TENM1: variants seen among roughly 807,000 people sequenced by gnomAD.
TENM1 encodes teneurin-1.
TENM1 carries 35 observed loss-of-function variants against 174.8 expected under a neutral mutation model. That is an observed-to-expected ratio of 0.20 (90% CI 0.15 to 0.27). The LOEUF (loss-of-function observed/expected upper bound fraction) is 0.27, where lower values mean the gene tolerates loss of function less well. TENM1 is among the 10% of genes least tolerant of loss of function. TENM1 has a pLI of 1.00. For missense variants in TENM1, 1,633 were observed against 2,130.1 expected (o/e 0.77, Z 4.59); for synonymous variants, 781 against 798.7 (o/e 0.98, Z 0.37).
intron 3 of TENM1, among the ~76,000 whole-genome samples, chrX:124,775,441 T>A (rs1247587620): frequency 1.8e-5 from 2 of 112,151 alleles, no homozygotes; most frequent in Non-Finnish European, 3.8e-5. Flanking sequence ...CATTACTGGT[T>A]TAAGCAAGTC....
At chrX:125,069,776 A>T in the TENM1 span, among the ~76,000 whole-genome samples, 2 of 111,745 alleles carry the variant, frequency 1.8e-5, no homozygotes, top group East Asian at 2.8e-4. Context: ...ATAAAAATTT[A>T]AAAAATTATA....
At chrX:124,991,190 T>C in the TENM1 span, among the ~76,000 whole-genome samples, 1 of 111,240 alleles carries the variant, frequency 9.0e-6, no homozygotes, top group Non-Finnish European at 1.9e-5. Flanking sequence ...GATTTTACTC[T>C]TACTTAGGAG....
chrX:124,682,597 G>T (rs1487206630), intron 5 of TENM1, among the ~76,000 whole-genome samples: 2 of 111,086 alleles, frequency 1.8e-5, no homozygotes, highest in Non-Finnish European at 3.8e-5. Context: ...CATTTAAAGT[G>T]AAGAAGCCTG....
the TENM1 span, among the ~76,000 whole-genome samples, chrX:125,167,074 G>A: frequency 3.6e-5 from 4 of 111,632 alleles, no homozygotes; most frequent in Admixed American, 1.9e-4. Context: ...CATAAAATCT[G>A]GAGGAAAACT....
At chrX:124,733,711 G>A (rs1471092574) in intron 4 of TENM1, among the ~76,000 whole-genome samples, 3 of 112,208 alleles carry the variant, frequency 2.7e-5, no homozygotes, top group African/African-American at 9.7e-5. Context: ...ATGTTCAAAT[G>A]TACTAAAAAG....
At chrX:124,991,250 G>T in the TENM1 span, among the ~76,000 whole-genome samples, 3 of 111,405 alleles carry the variant, frequency 2.7e-5, no homozygotes, top group African/African-American at 9.8e-5. Flanking sequence ...ACTCCTCTGT[G>T]TCTTCTCTGA....
At chrX:125,125,032 A>G in the TENM1 span, among the ~76,000 whole-genome samples, 1 of 112,585 alleles carries the variant, frequency 8.9e-6, no homozygotes, top group Non-Finnish European at 1.9e-5. Flanking sequence ...CTGTACAATT[A>G]GAAACAAATT....
At chrX:125,126,793 C>T in the TENM1 span, among the ~76,000 whole-genome samples, 4 of 110,235 alleles carry the variant, frequency 3.6e-5, no homozygotes, top group South Asian at 1.5e-3. Context: ...TGTTATAATG[C>T]CATGCCCATG....
At chrX:124,408,043 C>T (rs745917938) in intron 25 of TENM1, among the ~76,000 whole-genome samples, 2 of 111,800 alleles carry the variant, frequency 1.8e-5, no homozygotes, top group African/African-American at 3.3e-5. Context: ...AGCAGAAGAA[C>T]GGAGCATAGG....
intron 1 of TENM1, among the ~76,000 whole-genome samples, chrX:124,945,483 T>C (rs945771907): frequency 6.3e-5 from 7 of 111,091 alleles, no homozygotes; most frequent in African/African-American, 1.6e-4. Context: ...CAAAAGCCTA[T>C]TGCAAAAATC....
chrX:124,705,430 TTTTC>T (rs1290638203), intron 4 of TENM1, among the ~76,000 whole-genome samples, 179 bp from the exon 8 acceptor site: 5 of 112,023 alleles, frequency 4.5e-5, no homozygotes, highest in African/African-American at 6.5e-5. Context: ...GTTCTCTCTC[TTTTC>T]TTTGTCTTTT....
the TENM1 span, among the ~76,000 whole-genome samples, chrX:125,183,026 A>G: frequency 2.1e-4 from 24 of 112,113 alleles, no homozygotes; most frequent in Non-Finnish European, 3.8e-4. Flanking sequence ...CCCCTAAACC[A>G]AATGAATTCT....
intron 4 of TENM1, among the ~76,000 whole-genome samples, chrX:124,723,510 A>G (rs1166861223): frequency 9.1e-6 from 1 of 110,086 alleles, no homozygotes; most frequent in Non-Finnish European, 1.9e-5. Flanking sequence ...GTTTTTCAAT[A>G]CTTACTATTA....
rs985525702 is a variant in TENM1, at chrX:124,573,262, C to T, written c.2078-7702G>A. ...GCAAGTTATTCATATGAAATTTAAACACATGTAGAAAAATACATTTTATGG... is the reference window on the plus strand; with the variant it reads ...GCAAGTTATTCATATGAAATTTAAATACATGTAGAAAAATACATTTTATGG... On this transcript the variant is annotated intron_variant, in intron 11 of 31. Transcript: ENST00000422452. Among the ~76,000 whole-genome samples, 10 of 111,485 alleles carry T rather than the reference C, an allele frequency of 9.0e-5. No homozygotes were observed. In the Admixed American group the frequency reaches 9.5e-4, roughly 11 times the overall value.
intron 1 of TENM1, among the ~76,000 whole-genome samples, chrX:124,903,754 G>A (rs1331263323): frequency 9.0e-6 from 1 of 111,708 alleles, no homozygotes; most frequent in Non-Finnish European, 1.9e-5. Context: ...ATGGTGGGAG[G>A]TCCTGGACTT....
At chrX:124,745,863 A>G (rs1309713070) in intron 3 of TENM1, among the ~76,000 whole-genome samples, 1 of 110,698 alleles carries the variant, frequency 9.0e-6, no homozygotes, top group African/African-American at 3.3e-5. Flanking sequence ...TTTTTTTTTC[A>G]GAATTATGAT....
chrX:125,121,306 C>T, the TENM1 span, among the ~76,000 whole-genome samples: 1 of 111,213 alleles, frequency 9.0e-6, no homozygotes, highest in African/African-American at 3.3e-5. Context: ...ATGTGGCATC[C>T]ACACGACATA....
intron 27 of TENM1, among the ~76,000 whole-genome samples, chrX:124,395,479 C>T (rs1396242961): frequency 9.1e-6 from 1 of 109,921 alleles, no homozygotes; most frequent in Non-Finnish European, 1.9e-5. Context: ...ATCTGGAAGA[C>T]TAGTGGTTAG....
At chrX:124,663,189 A>G (rs1269881337) in intron 6 of TENM1, among the ~76,000 whole-genome samples, 1 of 111,915 alleles carries the variant, frequency 8.9e-6, no homozygotes, top group Non-Finnish European at 1.9e-5. Context: ...CTTTCAGTAT[A>G]ATTATAATGA....
Sources: allele counts gnomAD v4.1 joint callset (sites outside exome capture counted in the v4.1 genomes callset), GRCh38; gene constraint gnomAD v4.1.1; transcripts MANE v1.5; gene names NCBI Gene and HGNC (gene_info 2026-07-23, HGNC 2026-07-21).